The following OR52I2 variants were observed in gnomAD, a reference collection of about 807,000 sequenced individuals.
The protein encoded by OR52I2 is olfactory receptor family 52 subfamily I member 2, also known as olfactory receptor 52I2.
For missense variants in OR52I2, 350 were observed against 402.4 expected, an observed-to-expected ratio of 0.87 and a Z score of 1.11; for synonymous variants, 147 against 151.9, an observed-to-expected ratio of 0.97 and a Z score of 0.24.
chr11:4,592,379 T>C (rs929301180), exon 2 of OR52I2: 9 of 152,222 alleles, frequency 5.9e-5, no homozygotes, highest in African/African-American at 2.2e-4. Context: ...CGATGCTTTT[T>C]GCCACTTTGC....
chr11:4,590,850 C>A (rs1201310381), exon 2 of OR52I2: 1 of 152,180 alleles, frequency 6.6e-6, no homozygotes, highest in Non-Finnish European at 1.5e-5. Context: ...CACCCAGTAG[C>A]TACACAGCAA....
At chr11:4,582,781 G>T (rs74234633) in intron 1 of OR52I2, among the ~76,000 whole-genome samples, 3 of 152,022 alleles carry the variant, frequency 2.0e-5, no homozygotes, top group Non-Finnish European at 4.4e-5. Context: ...AGATCTGCAC[G>T]TGAATGTTTC....
chr11:4,588,640 G>T (rs1314115095), exon 2 of OR52I2: 1 of 152,168 alleles, frequency 6.6e-6, no homozygotes, highest in Non-Finnish European at 1.5e-5. Context: ...CCGTTCAACA[G>T]GATGCTATAA....
At chr11:4,582,433 C>CCTTTTTTTTTTTTTTT (rs1564859030) in intron 1 of OR52I2, among the ~76,000 whole-genome samples, 1 of 74,664 alleles carries the variant, frequency 1.3e-5, no homozygotes, top group Non-Finnish European at 2.6e-5. Context: ...ATTTATTTTT[C>CCTTTTTTTTTTTTTTT]ATTTTTTTTT....
chr11:4,582,443 T>C (rs1343076950), intron 1 of OR52I2, among the ~76,000 whole-genome samples: 1 of 136,236 alleles, frequency 7.3e-6, no homozygotes, highest in African/African-American at 2.7e-5. Flanking sequence ...CATTTTTTTT[T>C]TTTTTTTTTT....
At chr11:4,586,694 TG>T in intron 1 of OR52I2, 177 bp from the exon 2 acceptor site, 1 of 818,226 alleles carries the variant, frequency 1.2e-6, no homozygotes, top group Admixed American at 2.6e-5. Context: ...AATACAAATT[TG>T]GAAGGGAAGA....
chr11:4,591,876 CAA>C (rs776305177), exon 2 of OR52I2: 1 of 151,994 alleles, frequency 6.6e-6, no homozygotes, highest in African/African-American at 2.4e-5. Context: ...ACAAAGCAAA[CAA>C]AAAATCCTAA....
exon 2 of OR52I2, chr11:4,586,892 T>C: frequency 6.2e-7 from 1 of 1,614,192 alleles, no homozygotes; most frequent in Non-Finnish European, 8.5e-7. Context: ...TCACTTGTGA[T>C]GCTGGGTCCA....
exon 2 of OR52I2, chr11:4,588,905 AACTG>A (rs1332610517): frequency 5.3e-5 from 8 of 152,326 alleles, no homozygotes; most frequent in African/African-American, 1.7e-4. Flanking sequence ...AGGTTTTGAA[AACTG>A]ACTGAGATAA....
exon 2 of OR52I2, chr11:4,586,879 G>A (rs754150906): frequency 1.2e-6 from 2 of 1,614,078 alleles, no homozygotes; most frequent in Non-Finnish European, 1.7e-6. Context: ...CAGGAAAAAA[G>A]TCTCACTTGT....
exon 2 of OR52I2, chr11:4,587,067 G>C (rs1467300833): frequency 1.9e-6 from 3 of 1,614,104 alleles, no homozygotes; most frequent in Non-Finnish European, 2.5e-6. Flanking sequence ...ATTCCACTCG[G>C]CATGAGCCCA....
chr11:4,592,401 T>C (rs1589844862), exon 2 of OR52I2: 1 of 152,138 alleles, frequency 6.6e-6, no homozygotes. Flanking sequence ...ATCCTGCCCT[T>C]TGATGATGTG....
exon 2 of OR52I2, chr11:4,592,508 T>A (rs1846358682): frequency 6.6e-6 from 1 of 152,106 alleles, no homozygotes; most frequent in Non-Finnish European, 1.5e-5. Flanking sequence ...ATGAAGAAGA[T>A]TAACCAATGT....
rs386372959 is a variant in OR52I2, at chr11:4,582,434, A to ATTTTTTTTTTTTTTTTTT, written c.-20+575_-20+592dup. On this transcript the variant is annotated intron_variant, in intron 1 of 1. Coordinates refer to ENST00000641896, the Ensembl canonical transcript of OR52I2. The stretch of plus-strand genomic sequence containing the variant: ...TTATTTTTATATTTATTTATTTTTC[A>ATTTTTTTTTTTTTTTTTT]TTTTTTTTTTTTTTTTTTTTTTGAG... 1.1e-3 allele frequency among the ~76,000 whole-genome samples: 104 copies of ATTTTTTTTTTTTTTTTTT among 96,458 alleles called. 2 individuals are homozygous for ATTTTTTTTTTTTTTTTTT. The highest frequency in any genetic ancestry group is 1.3e-3 in the Non-Finnish European group (70 of 52,734). 63.3% of individuals were successfully genotyped at this position (96,458 alleles called of 152,430 possible).
chr11:4,582,398 T>G (rs1289160005), intron 1 of OR52I2, among the ~76,000 whole-genome samples: 1 of 151,252 alleles, frequency 6.6e-6, no homozygotes, highest in Non-Finnish European at 1.5e-5. Context: ...TTATTGACAT[T>G]AAGAAACTTT....
At chr11:4,592,969 A>T (rs1042051313) in exon 2 of OR52I2, 17 of 152,160 alleles carry the variant, frequency 1.1e-4, no homozygotes, top group African/African-American at 3.6e-4. Flanking sequence ...TAAACCCAAA[A>T]CTTACCACAC....
intron 1 of OR52I2, among the ~76,000 whole-genome samples, chr11:4,584,128 C>T (rs1437371772): frequency 6.6e-6 from 1 of 152,142 alleles, no homozygotes; most frequent in Non-Finnish European, 1.5e-5. Flanking sequence ...CTATGGAAAC[C>T]CTTTATTCAG....
At chr11:4,582,511 C>A (rs1276278037) in intron 1 of OR52I2, among the ~76,000 whole-genome samples, 1 of 125,438 alleles carries the variant, frequency 8.0e-6, no homozygotes, top group Non-Finnish European at 1.6e-5. Context: ...ATGATCTTGG[C>A]TCACTGCAGC....
intron 1 of OR52I2, among the ~76,000 whole-genome samples, chr11:4,582,433 C>CCTTTTTTTTTTTTTTTTTTTTTTTTTTT (rs1564859030): frequency 1.3e-5 from 1 of 74,664 alleles, no homozygotes. Flanking sequence ...ATTTATTTTT[C>CCTTTTTTTTTTTTTTTTTTTTTTTTTTT]ATTTTTTTTT....
Sources: allele counts gnomAD v4.1 joint callset (sites outside exome capture counted in the v4.1 genomes callset), GRCh38; gene constraint gnomAD v4.1.1; transcripts MANE v1.5; gene names NCBI Gene and HGNC (gene_info 2026-07-23, HGNC 2026-07-21).